The following STEAP2 variants were observed in gnomAD, a reference collection of about 807,000 sequenced individuals.
STEAP2 encodes the protein metalloreductase STEAP2.
STEAP2 carries 30 observed loss-of-function variants against 46.4 expected under a neutral mutation model. The ratio of observed to expected loss-of-function variants is 0.65; its 90% CI spans 0.48 to 0.88. The LOEUF (loss-of-function observed/expected upper bound fraction) is 0.88. Among genes scored for constraint, STEAP2 ranks in the 40% least tolerant of loss-of-function variants. The probability of loss-of-function intolerance (pLI) is 0.00; values close to 1 mark genes in which losing one functional copy is unlikely to be tolerated. For missense variants in STEAP2, 513 were observed against 579.3 expected, an observed-to-expected ratio of 0.89 and a Z score of 1.18; for synonymous variants, 180 against 200.5, an observed-to-expected ratio of 0.90 and a Z score of 0.86.
At chr7:90,225,679 T>A in intron 3 of STEAP2, 105 bp downstream of exon 3, 4 of 1,268,404 alleles carry the variant, frequency 3.2e-6, no homozygotes, top group Non-Finnish European at 3.2e-6. Flanking sequence ...TTCCAATGAT[T>A]ATCATTTGAA....
chr7:90,215,496 G>A (rs1794977846), intron 1 of STEAP2: 1 of 152,166 alleles, frequency 6.6e-6, no homozygotes, highest in African/African-American at 2.4e-5. Context: ...TGTACAGCAA[G>A]TCAAATGCCC....
chr7:90,227,116 G>A lies in STEAP2; in HGVS notation c.638G>A (p.Arg213Lys). 6.2e-7 allele frequency: 1 copy of A among 1,613,876 alleles called. No homozygotes were observed. The highest frequency in any genetic ancestry group is 8.5e-7 in the Non-Finnish European group (1 of 1,179,882). ...NLPLRLFTLW[R>K]GPVVVAISLA... ...CCCCTACGACTCTTTACTCTCTGGAGAGGGCCAGTGGTGGTAGCTATAAGC... is the reference window on the plus strand; with the variant it reads ...CCCCTACGACTCTTTACTCTCTGGAAAGGGCCAGTGGTGGTAGCTATAAGC... The change falls in exon 4 of 6, where the codon AGA (arginine) becomes AAA (lysine). Residue 213 changes from arginine to lysine, a missense_variant. Transcript: ENST00000394621.
chr7:90,213,734 A>T (rs1014412223), intron 1 of STEAP2: 1 of 152,228 alleles, frequency 6.6e-6, no homozygotes, highest in Non-Finnish European at 1.5e-5. Context: ...CGTGCAGTTT[A>T]TTGTCCAATG....
chr7:90,220,188 G>A (rs1795193224), intron 2 of STEAP2, among the ~76,000 whole-genome samples: 2 of 152,310 alleles, frequency 1.3e-5, no homozygotes, highest in South Asian at 4.1e-4. Context: ...TAATGTTTTG[G>A]AAGAGTTTGA....
intron 3 of STEAP2, 86 bp from the exon 4 acceptor site, chr7:90,226,884 AG>A: frequency 7.7e-7 from 1 of 1,292,970 alleles, no homozygotes; most frequent in Non-Finnish European, 1.1e-6. Context: ...AGGTCATCAC[AG>A]GTGATGGTCC....
chr7:90,239,293 C>A (rs867808331), downstream of STEAP2, among the ~76,000 whole-genome samples: 12 of 152,150 alleles, frequency 7.9e-5, no homozygotes, highest in Admixed American at 3.3e-4. Context: ...AGGGAGAAGA[C>A]GGCATGCCAA....
At chr7:90,217,468 G>A (rs1054957750) in intron 2 of STEAP2, among the ~76,000 whole-genome samples, 2 of 151,888 alleles carry the variant, frequency 1.3e-5, no homozygotes, top group Admixed American at 1.3e-4. Flanking sequence ...ACCTCCATGG[G>A]ATCCACTTTT....
intron 2 of STEAP2, among the ~76,000 whole-genome samples, chr7:90,220,371 G>T (rs1277402742): frequency 6.6e-6 from 1 of 152,132 alleles, no homozygotes; most frequent in African/African-American, 2.4e-5. Flanking sequence ...GCTTGTATAT[G>T]TGTAGCAGTT....
chr7:90,212,717 G>A (rs1290923229), intron 1 of STEAP2, among the ~76,000 whole-genome samples: 1 of 152,130 alleles, frequency 6.6e-6, no homozygotes, highest in Non-Finnish European at 1.5e-5. Flanking sequence ...ATTGGTGTCA[G>A]TTTTTACTCC....
In STEAP2 at chr7:90,234,385, G is replaced by A. The variant is rs1031518343; in HGVS notation, c.*1761G>A. Reference sequence around the variant, plus strand: ...TTATAACATTTCTAAACTTACCCACGTAGGTACTACTGAATCCAACTGCCA... The same window carrying A: ...TTATAACATTTCTAAACTTACCCACATAGGTACTACTGAATCCAACTGCCA... On this transcript the variant is annotated 3_prime_UTR_variant, in exon 6 of 6. Coordinates refer to ENST00000394621, the MANE Select transcript of STEAP2 (RefSeq NM_001244944.2). The A allele has an allele frequency of 1.0e-6, 1 of 984,936 alleles. No homozygotes were observed. Among genetic ancestry groups the A allele is most frequent in the African/African-American group, 1.8e-5 (1 of 57,084 alleles). The allele number at this position is 984,936 out of a possible 1,614,324, so 61.0% of individuals were successfully genotyped here. A position where few individuals can be genotyped will look rare whatever the true frequency, so the allele number is the denominator to read the frequency against.
chr7:90,219,724 C>T (rs907373290), intron 2 of STEAP2, among the ~76,000 whole-genome samples: 8 of 152,064 alleles, frequency 5.3e-5, no homozygotes, highest in South Asian at 2.1e-4. Context: ...GACACACACG[C>T]GCGCACACAC....
intron 2 of STEAP2, among the ~76,000 whole-genome samples, chr7:90,219,617 C>G (rs10282668): frequency 0.15 from 23,299 of 152,068 alleles, 2,820 homozygotes; most frequent in East Asian, 0.65. Flanking sequence ...GTTGAACCAT[C>G]CTTGTATCCC....
intron 5 of STEAP2, among the ~76,000 whole-genome samples, chr7:90,230,884 A>G (rs1795713212): frequency 6.6e-6 from 1 of 151,828 alleles, no homozygotes; most frequent in Non-Finnish European, 1.5e-5. Flanking sequence ...TCTCATTCAA[A>G]GCAGGGCCAA....
chr7:90,233,349 G>A lies in STEAP2; in HGVS notation c.*725G>A, dbSNP rs934966358. On this transcript the variant is annotated 3_prime_UTR_variant, in exon 6 of 6. Coordinates refer to ENST00000394621, the MANE Select transcript of STEAP2 (RefSeq NM_001244944.2). ...TTCATATTAATATACTGATCAGGAA[G>A]AGGATTCAGTAACATTTGGCTTCCA... is the stretch of plus-strand genomic sequence containing the variant. The A allele has an allele frequency of 2.0e-6, 2 of 984,224 alleles. No individual in the cohort carries two copies. Among genetic ancestry groups the A allele is most frequent in the African/African-American group, 1.7e-5 (1 of 57,310 alleles). The allele number at this position is 984,224 out of a possible 1,614,324, so 61.0% of individuals were successfully genotyped here.
chr7:90,232,758 A>G lies in STEAP2; in HGVS notation c.*134A>G. 4 of 1,336,544 alleles carry G rather than the reference A, an allele frequency of 3.0e-6. No homozygotes were observed. The highest frequency in any genetic ancestry group is 3.8e-6 in the Non-Finnish European group (4 of 1,043,534). 82.8% of individuals were successfully genotyped at this position (1,336,544 alleles called of 1,614,324 possible). A position where few individuals can be genotyped will look rare whatever the true frequency, so the allele number is the denominator to read the frequency against. ...TGTTAAATGAGATTTCAACTGACTT[A>G]GTGATAGAGTTTTCTTCAAGTTAAT... On this transcript the variant is annotated 3_prime_UTR_variant, in exon 6 of 6. Coordinates refer to ENST00000394621, the MANE Select transcript of STEAP2 (RefSeq NM_001244944.2).
intron 1 of STEAP2, among the ~76,000 whole-genome samples, chr7:90,212,963 T>C (rs998555709): frequency 1.7e-4 from 26 of 152,232 alleles, no homozygotes; most frequent in African/African-American, 5.8e-4. Context: ...TATTGATCTG[T>C]TTATTTTTTC....
intron 2 of STEAP2, 120 bp from the exon 3 acceptor site, chr7:90,224,930 C>T (rs1795413596): frequency 1.3e-5 from 10 of 758,868 alleles, no homozygotes; most frequent in Non-Finnish European, 1.9e-5. Flanking sequence ...TCTTACTGTG[C>T]TGTATGTTAA....
rs192902228 is a variant in STEAP2 at position 90,236,838 on chromosome 7, G to A, written c.*4214G>A. On this transcript the variant is annotated 3_prime_UTR_variant, in exon 6 of 6. Transcript: ENST00000394621. ...ATCACAAAAGCAGATGCTTTTGTATGATCTCCAAATTGCCAACTTTAAGGA... is the reference window on the plus strand; with the variant it reads ...ATCACAAAAGCAGATGCTTTTGTATAATCTCCAAATTGCCAACTTTAAGGA... The A allele has an allele frequency of 7.6e-5, 123 of 1,609,090 alleles. 1 individual carries two copies. In the East Asian group the frequency reaches 2.6e-3, roughly 35 times the overall value.
At chr7:90,219,160 T>G (rs1406144866) in intron 2 of STEAP2, among the ~76,000 whole-genome samples, 2 of 152,222 alleles carry the variant, frequency 1.3e-5, no homozygotes, top group Non-Finnish European at 2.9e-5. Context: ...TGAATTTATT[T>G]ATCAGATCTA....
Sources: gnomAD v4.1 joint callset for allele counts (sites outside exome capture counted in the v4.1 genomes callset) on GRCh38, gnomAD v4.1.1 for gene constraint, MANE v1.5 for transcripts, NCBI Gene and HGNC (gene_info 2026-07-23, HGNC 2026-07-21) for gene names.